Variants in AKAP13 observed in about 807,000 individuals in gnomAD.
AKAP13 encodes A-kinase anchoring protein 13.
AKAP13 carries 80 observed loss-of-function variants against 264.5 expected under a neutral mutation model. The ratio of observed to expected loss-of-function variants is 0.30; its 90% CI spans 0.25 to 0.36. The LOEUF (loss-of-function observed/expected upper bound fraction) is 0.36, where lower values mean the gene tolerates loss of function less well. AKAP13 is among the 10% of genes least tolerant of loss of function. AKAP13 has a pLI of 1.00. For synonymous variants in AKAP13, 1,380 were observed against 1,250.2 expected, an observed-to-expected ratio of 1.10 and a Z score of -2.19; for missense variants, 3,712 against 3,435.2, an observed-to-expected ratio of 1.08 and a Z score of -2.01.
Position 85,564,220 on chromosome 15 carries a change from A to G in AKAP13, c.663-10911A>G, listed in dbSNP as rs139161168. ...CTCTGCCTTTATTAAAATGTTTTAC[A>G]TTTAACTTTGTATTTTGAAAAATTT... On this transcript the variant is annotated intron_variant, in intron 5 of 36. Coordinates refer to ENST00000394518, the MANE Select transcript of AKAP13 (RefSeq NM_007200.5). 1.2e-3 allele frequency among the ~76,000 whole-genome samples: 184 copies of G among 152,332 alleles called. 2 individuals are homozygous for G. The highest frequency in any genetic ancestry group is 3.9e-3 in the African/African-American group (164 of 41,584).
rs986824765 is a variant in AKAP13 at position 85,708,194 on chromosome 15, A to G, written c.5532+108A>G. On this transcript the variant is annotated intron_variant, in intron 18 of 36. Transcript: ENST00000394518. The surrounding 1 kb of genome is among the most constrained non-coding windows in gnomAD (Gnocchi z 4.3). ...GTGGTGGATTTTGTTTATTTTAATCATTTGGTACCAACTTTGAGAACAAAT... is the reference window on the plus strand; with the variant it reads ...GTGGTGGATTTTGTTTATTTTAATCGTTTGGTACCAACTTTGAGAACAAAT... 7 of 1,015,612 alleles carry G rather than the reference A, an allele frequency of 6.9e-6. No homozygotes were observed. The highest frequency in any genetic ancestry group is 1.6e-5 in the African/African-American group (1 of 62,038). 62.9% of individuals were successfully genotyped at this position (1,015,612 alleles called of 1,614,324 possible). A position where few individuals can be genotyped will look rare whatever the true frequency, so the allele number is the denominator to read the frequency against.
At chr15:85,529,934 T>G (rs182918227) in intron 3 of AKAP13, among the ~76,000 whole-genome samples, 1 of 152,348 alleles carries the variant, frequency 6.6e-6, no homozygotes, top group Admixed American at 6.5e-5. Context: ...CATAGTTTCT[T>G]CTTCAGATTT....
chr15:85,546,497 G>T (rs2077750315), intron 5 of AKAP13, among the ~76,000 whole-genome samples: 1 of 152,162 alleles, frequency 6.6e-6, no homozygotes, highest in Non-Finnish European at 1.5e-5. Context: ...AGACAAAGTG[G>T]TTGGATGAAG....
intron 1 of AKAP13, among the ~76,000 whole-genome samples, chr15:85,471,454 C>T (rs1310952706): frequency 6.6e-6 from 1 of 152,176 alleles, no homozygotes; most frequent in Admixed American, 6.5e-5. Flanking sequence ...GAGATGGTGC[C>T]ACTACACTCC....
At position 85,558,733 on chromosome 15, in the gene AKAP13, C is replaced by G. The variant is rs559744268; in HGVS notation, c.662+14778C>G. Among the ~76,000 whole-genome samples the G allele has an allele frequency of 3.3e-5, 5 of 152,280 alleles. No individual in the cohort carries two copies. The East Asian group carries it at 9.6e-4, about 29-fold the overall frequency. On this transcript the variant is annotated intron_variant, in intron 5 of 36. Transcript: ENST00000394518. ...GGTTCATATTTAGTTCTTAATCTTT[C>G]TATCATGTTTAAGTTTCTCATGATC... is the stretch of plus-strand genomic sequence containing the variant.
intron 4 of AKAP13, 83 bp downstream of exon 4, chr15:85,533,963 C>T (rs1329904909): frequency 5.8e-6 from 8 of 1,388,736 alleles, no homozygotes; most frequent in Non-Finnish European, 7.7e-6. Flanking sequence ...TTTCTATGGT[C>T]ATCATATTCA....
intron 5 of AKAP13, among the ~76,000 whole-genome samples, chr15:85,559,164 CTG>C (rs1596525265): frequency 6.6e-6 from 1 of 152,112 alleles, no homozygotes; most frequent in Non-Finnish European, 1.5e-5. Context: ...TTTCAGGGGC[CTG>C]TGTTTCTCAG....
At chr15:85,660,213 TG>T (rs1662274744) in intron 12 of AKAP13, among the ~76,000 whole-genome samples, 1 of 151,842 alleles carries the variant, frequency 6.6e-6, no homozygotes, top group Admixed American at 6.6e-5. Context: ...ATTAGCTAGG[TG>T]TGGTGGCATG....
intron 5 of AKAP13, among the ~76,000 whole-genome samples, chr15:85,548,312 A>T (rs1327605199): frequency 1.3e-5 from 2 of 152,176 alleles, no homozygotes; most frequent in Non-Finnish European, 2.9e-5. Context: ...CTGGATGATA[A>T]CCCAGCCTTT....
chr15:85,552,669 CCAGGCT>C (rs1434582929), intron 5 of AKAP13, among the ~76,000 whole-genome samples: 2 of 146,590 alleles, frequency 1.4e-5, no homozygotes, highest in African/African-American at 5.1e-5. Context: ...GTTCTGTCAC[CCAGGCT>C]GAAGTGCAGT....
chr15:85,418,067 CATTATT>C (rs34170000), intron 1 of AKAP13, among the ~76,000 whole-genome samples: 10 of 133,906 alleles, frequency 7.5e-5, no homozygotes, highest in Admixed American at 1.4e-4. Context: ...TTATTATTAT[CATTATT>C]ATTATTATTA....
intron 10 of AKAP13, among the ~76,000 whole-genome samples, chr15:85,647,942 C>G (rs1222527671): frequency 6.6e-6 from 1 of 151,900 alleles, no homozygotes; most frequent in African/African-American, 2.4e-5. Flanking sequence ...AAACAAAAAA[C>G]AAAACAAAAA....
At chr15:85,505,959 A>G (rs1424332465) in intron 2 of AKAP13, among the ~76,000 whole-genome samples, 1 of 152,168 alleles carries the variant, frequency 6.6e-6, no homozygotes, top group Admixed American at 6.5e-5. Flanking sequence ...CTTTTAATTA[A>G]TTTCTCATCC....
At chr15:85,401,449 T>G (rs2071417271) in intron 1 of AKAP13, among the ~76,000 whole-genome samples, 1 of 152,222 alleles carries the variant, frequency 6.6e-6, no homozygotes, top group South Asian at 2.1e-4. Flanking sequence ...GGAAATCTTT[T>G]GGGGCAAGGC....
chr15:85,421,593 G>A (rs1024098965), intron 1 of AKAP13, among the ~76,000 whole-genome samples: 2 of 152,238 alleles, frequency 1.3e-5, no homozygotes, highest in African/African-American at 4.8e-5. Flanking sequence ...GTGCGCGCGC[G>A]CCTGTGCACA....
chr15:85,697,178 A>T (rs1186218173), intron 17 of AKAP13, among the ~76,000 whole-genome samples: 2 of 152,230 alleles, frequency 1.3e-5, no homozygotes, highest in Non-Finnish European at 2.9e-5. Context: ...ATAAAATCCT[A>T]TGAAGCCGAG....
chr15:85,439,144 C>T (rs2073489644), intron 1 of AKAP13, among the ~76,000 whole-genome samples: 1 of 152,116 alleles, frequency 6.6e-6, no homozygotes, highest in Admixed American at 6.5e-5. Flanking sequence ...ACAGCTCCAT[C>T]AAAAAGTGGG....
intron 10 of AKAP13, among the ~76,000 whole-genome samples, chr15:85,653,928 T>C (rs338538): frequency 0.75 from 114,385 of 152,076 alleles, 43,605 homozygotes; most frequent in African/African-American, 0.89. Flanking sequence ...TGGTATCTCC[T>C]TCCCTCGCTC....
intron 1 of AKAP13, among the ~76,000 whole-genome samples, chr15:85,445,792 T>G (rs866813087): frequency 1.3e-5 from 2 of 152,310 alleles, no homozygotes. Context: ...GCACTGTACT[T>G]GATGCTTCTA....
Sources: allele counts gnomAD v4.1 joint callset (sites outside exome capture counted in the v4.1 genomes callset), GRCh38; gene constraint gnomAD v4.1.1; non-coding constraint Gnocchi (gnomAD v3.1); transcripts MANE v1.5; gene names NCBI Gene and HGNC (gene_info 2026-07-23, HGNC 2026-07-21).